Variants in FNDC3B observed in about 807,000 individuals in gnomAD.
The protein encoded by FNDC3B is fibronectin type III domain containing 3B, also known as fibronectin type III domain-containing protein 3B.
In FNDC3B, 12 loss-of-function variants were observed where a neutral mutation model predicts 151.5. The observed-to-expected ratio is 0.08, with a 90% CI of 0.05 to 0.13. The LOEUF (loss-of-function observed/expected upper bound fraction) is 0.13. FNDC3B is among the 10% of genes least tolerant of loss of function. The pLI is 1.00. For missense variants in FNDC3B, 1,214 were observed against 1,505.3 expected, an observed-to-expected ratio of 0.81 and a Z score of 3.20; for synonymous variants, 528 against 549.0, an observed-to-expected ratio of 0.96 and a Z score of 0.54.
chr3:172,281,031 C>T (rs1195628106), intron 6 of FNDC3B, among the ~76,000 whole-genome samples: 2 of 149,288 alleles, frequency 1.3e-5, no homozygotes, highest in African/African-American at 2.5e-5. Flanking sequence ...CTAAGCTGAG[C>T]CCCCTTTCCC....
chr3:172,168,443 G>T (rs1257166064), intron 3 of FNDC3B, among the ~76,000 whole-genome samples: 1 of 152,190 alleles, frequency 6.6e-6, no homozygotes, highest in African/African-American at 2.4e-5. Flanking sequence ...GGATGGAGTA[G>T]TACTGAGCTG....
At chr3:172,080,469 G>A (rs1185566125) in intron 1 of FNDC3B, among the ~76,000 whole-genome samples, 1 of 150,932 alleles carries the variant, frequency 6.6e-6, no homozygotes, top group African/African-American at 2.4e-5. Flanking sequence ...AGAGATGAAG[G>A]GTCTTGCTAT....
chr3:172,091,401 C>CAT (rs1559961539), intron 1 of FNDC3B, among the ~76,000 whole-genome samples: 1 of 151,928 alleles, frequency 6.6e-6, no homozygotes, highest in African/African-American at 2.4e-5. Context: ...TGAATAGAGG[C>CAT]AGTACATATG....
At chr3:172,348,985 A>G (rs183753090) in intron 21 of FNDC3B, among the ~76,000 whole-genome samples, 271 of 152,316 alleles carry the variant, frequency 1.8e-3, no homozygotes, top group Non-Finnish European at 2.6e-3. Context: ...TTTTGAATAT[A>G]TGGCACTTAA....
chr3:172,342,901 AC>A (rs1450065275), intron 17 of FNDC3B, 109 bp from the exon 18 acceptor site: 1 of 676,164 alleles, frequency 1.5e-6, no homozygotes, highest in Admixed American at 2.2e-5. Context: ...TTAGTGTGTA[AC>A]CCCTTTTCGG....
At chr3:172,201,346 C>T (rs1371921066) in intron 3 of FNDC3B, among the ~76,000 whole-genome samples, 5 of 151,998 alleles carry the variant, frequency 3.3e-5, no homozygotes. Context: ...GTTTTTTTTC[C>T]TCTTTTCTTT....
At chr3:172,333,224 T>C (rs1387967160) in intron 14 of FNDC3B, 49 bp downstream of exon 14, 1 of 1,160,352 alleles carries the variant, frequency 8.6e-7, no homozygotes, top group Admixed American at 1.7e-5. Flanking sequence ...GAAACTGTTT[T>C]CTATTTCACC....
intron 1 of FNDC3B, among the ~76,000 whole-genome samples, chr3:172,059,548 G>A (rs1394341457): frequency 6.6e-6 from 1 of 150,934 alleles, no homozygotes; most frequent in East Asian, 1.9e-4. Flanking sequence ...GTGACTTTAT[G>A]GATTATTAAC....
At chr3:172,336,750 A>T (rs1288531234) in intron 15 of FNDC3B, among the ~76,000 whole-genome samples, 2 of 151,920 alleles carry the variant, frequency 1.3e-5, no homozygotes, top group African/African-American at 4.8e-5. Context: ...AAAATACAAA[A>T]AAATTAGCCA....
intron 3 of FNDC3B, among the ~76,000 whole-genome samples, chr3:172,202,337 A>G (rs1198585252): frequency 6.6e-6 from 1 of 152,218 alleles, no homozygotes; most frequent in African/African-American, 2.4e-5. Flanking sequence ...ACTGGTCTGT[A>G]TGAGGTTGTA....
intron 2 of FNDC3B, among the ~76,000 whole-genome samples, chr3:172,126,227 C>T (rs967969573): frequency 2.0e-4 from 31 of 152,070 alleles, no homozygotes; most frequent in African/African-American, 7.2e-4. Context: ...TGCATAGAAT[C>T]GGCTGTGTGC....
At chr3:172,105,115 T>G (rs1719578542) in intron 1 of FNDC3B, among the ~76,000 whole-genome samples, 1 of 152,206 alleles carries the variant, frequency 6.6e-6, no homozygotes, top group Non-Finnish European at 1.5e-5. Flanking sequence ...TTTCTAAGTT[T>G]TGCTAATAAT....
chr3:172,392,064 G>A (rs1268512123), intron 25 of FNDC3B, among the ~76,000 whole-genome samples: 1 of 152,192 alleles, frequency 6.6e-6, no homozygotes, highest in African/African-American at 2.4e-5. Context: ...TCCTTGTGGT[G>A]TAGTCTGAAC....
At chr3:172,363,850 G>T (rs1390998105) in intron 23 of FNDC3B, among the ~76,000 whole-genome samples, 2 of 152,156 alleles carry the variant, frequency 1.3e-5, no homozygotes, top group Non-Finnish European at 2.9e-5. Context: ...ACCTCTAGAA[G>T]CATAGTATCA....
At chr3:172,122,768 A>T (rs997760616) in intron 2 of FNDC3B, among the ~76,000 whole-genome samples, 2 of 152,210 alleles carry the variant, frequency 1.3e-5, no homozygotes, top group African/African-American at 4.8e-5. Context: ...AATAAAATGG[A>T]CAGTCTGCAT....
intron 3 of FNDC3B, among the ~76,000 whole-genome samples, chr3:172,223,222 A>G (rs1376459631): frequency 6.6e-6 from 1 of 152,252 alleles, no homozygotes; most frequent in Non-Finnish European, 1.5e-5. Flanking sequence ...TAGGAAGACA[A>G]TAACTTCTTT....
chr3:172,278,733 C>T (rs1236527347), intron 6 of FNDC3B, among the ~76,000 whole-genome samples: 1 of 152,100 alleles, frequency 6.6e-6, no homozygotes, highest in Admixed American at 6.5e-5. Context: ...TTGAGACCAG[C>T]CTGGCCAACA....
intron 3 of FNDC3B, among the ~76,000 whole-genome samples, chr3:172,174,277 A>T (rs938171361): frequency 6.6e-6 from 1 of 152,248 alleles, no homozygotes; most frequent in African/African-American, 2.4e-5. Flanking sequence ...TACTGAGCTT[A>T]TTCCAGAAAT....
intron 7 of FNDC3B, among the ~76,000 whole-genome samples, chr3:172,292,568 G>A (rs773539347): frequency 3.3e-5 from 5 of 152,204 alleles, no homozygotes; most frequent in South Asian, 4.1e-4. Flanking sequence ...TATCTAGAAC[G>A]TTGGCATTTG....
Sources: allele counts gnomAD v4.1 joint callset (sites outside exome capture counted in the v4.1 genomes callset), GRCh38; gene constraint gnomAD v4.1.1; transcripts MANE v1.5; gene names NCBI Gene and HGNC (gene_info 2026-07-23, HGNC 2026-07-21).